The following PARVB variants were observed in gnomAD, a reference collection of about 807,000 sequenced individuals.
The protein encoded by PARVB is parvin beta, also known as beta-parvin.
Under a neutral mutation model 47.0 loss-of-function variants are expected in PARVB, and 46 were observed. The ratio of observed to expected loss-of-function variants is 0.98; its 90% CI spans 0.77 to 1.25. The LOEUF is 1.25. Among genes scored for constraint, PARVB ranks in the 50% most tolerant of loss-of-function variants. The pLI, the probability that PARVB is intolerant of heterozygous loss-of-function variation, is 0.00. For missense variants in PARVB, 473 were observed against 471.6 expected (o/e 1.00, Z -0.03); for synonymous variants, 196 against 196.3 (o/e 1.00, Z 0.01).
chr22:44,151,029 C>CAAAAAAAAAA (rs35913551), intron 9 of PARVB: 1,574 of 51,696 alleles, frequency 0.03, 94 homozygotes, highest in South Asian at 0.11. Context: ...GAGACTGTCT[C>CAAAAAAAAAA]AAAAAAAAAA....
chr22:44,134,329 G>A lies in PARVB; in HGVS notation c.633+1320G>A, dbSNP rs1057114408. ...GGCCATTCCTATGGCCCCGTGTCTT[G>A]GCCACTGGTTCACAGGCAGCCGGCC... On this transcript the variant is annotated intron_variant, in intron 6 of 12. Coordinates refer to ENST00000338758, the MANE Select transcript of PARVB (RefSeq NM_013327.5). Among the ~76,000 whole-genome samples the A allele has an allele frequency of 2.6e-5, 4 of 152,290 alleles. No individual in the cohort carries two copies. In the East Asian group the frequency reaches 5.8e-4, roughly 22 times the overall value.
chr22:44,122,139 T>C, intron 4 of PARVB, among the ~76,000 whole-genome samples: 1 of 152,224 alleles, frequency 6.6e-6, no homozygotes, highest in South Asian at 2.1e-4. Context: ...TTAATATTAC[T>C]TTTAAAAATG....
At chr22:44,058,020 C>T (rs538721969) in intron 1 of PARVB, among the ~76,000 whole-genome samples, 106 of 152,256 alleles carry the variant, frequency 7.0e-4, no homozygotes, top group African/African-American at 2.5e-3. Context: ...CCCTGAACCT[C>T]GGTTGCCTCC....
chr22:44,025,007 C>T (rs1314483096), intron 1 of PARVB, among the ~76,000 whole-genome samples: 1 of 152,110 alleles, frequency 6.6e-6, no homozygotes, highest in Non-Finnish European at 1.5e-5. Context: ...GCTCACGAAA[C>T]ACTACCAACC....
At chr22:44,118,088 A>T (rs1303855473) in intron 3 of PARVB, among the ~76,000 whole-genome samples, 1 of 152,186 alleles carries the variant, frequency 6.6e-6, no homozygotes, top group African/African-American at 2.4e-5. Context: ...ACTCACATCC[A>T]CAGAGAGACT....
Position 44,103,926 on chromosome 22 carries a change from G to C in PARVB, c.273+3803G>C, listed in dbSNP as rs1449157197. 6.6e-6 allele frequency: 1 copy of C among 152,300 alleles called. No individual in the cohort carries two copies. Among genetic ancestry groups the C allele is most frequent in the Non-Finnish European group, 1.5e-5 (1 of 68,080 alleles). 9.4% of individuals were successfully genotyped at this position (152,300 alleles called of 1,614,324 possible). A position where few individuals can be genotyped will look rare whatever the true frequency, so the allele number is the denominator to read the frequency against. On this transcript the variant is annotated intron_variant, in intron 3 of 12. Coordinates refer to ENST00000338758, the MANE Select transcript of PARVB (RefSeq NM_013327.5). The surrounding 1 kb of genome is among the most constrained non-coding windows in gnomAD (Gnocchi z 4.6). ...CTGCTGACACCTGGATTTTAGCCCA[G>C]TGGAACAGATTTTGGACTTTGACCT...
chr22:44,113,730 C>T (rs1601621658), intron 3 of PARVB: 1 of 64,480 alleles, frequency 1.6e-5, no homozygotes. Flanking sequence ...TAAGGCCCTG[C>T]ACCAACACAA....
chr22:44,049,580 C>T lies in PARVB; in HGVS notation c.112+25129C>T, dbSNP rs1209266055. 6.6e-6 allele frequency among the ~76,000 whole-genome samples: 1 copy of T among 152,242 alleles called. No homozygotes were observed. Among genetic ancestry groups the T allele is most frequent in the Non-Finnish European group, 1.5e-5 (1 of 68,046 alleles). ...TCAGATTCCTCCAGCGATAAAAGGC[C>T]TGCTGAGGAAGCGGCCCCACTCCCA... On this transcript the variant is annotated intron_variant, in intron 1 of 12. Coordinates refer to ENST00000338758, the MANE Select transcript of PARVB (RefSeq NM_013327.5). The surrounding 1 kb of genome is among the most constrained non-coding windows in gnomAD (Gnocchi z 4.0).
chr22:44,132,872 C>T, intron 5 of PARVB, 22 bp from the exon 6 acceptor site: 11 of 1,554,676 alleles, frequency 7.1e-6, no homozygotes, highest in Non-Finnish European at 9.8e-6. Context: ...TAAAGCGTCT[C>T]CCTTCCTCCT....
At chr22:44,086,153 T>C (rs1428269653) in intron 1 of PARVB, among the ~76,000 whole-genome samples, 4 of 152,138 alleles carry the variant, frequency 2.6e-5, no homozygotes, top group Non-Finnish European at 4.4e-5. Flanking sequence ...GGCTTAGAGA[T>C]GATAGTGAGT....
chr22:44,069,981 G>A (rs1190557026), intron 1 of PARVB, among the ~76,000 whole-genome samples: 1 of 152,212 alleles, frequency 6.6e-6, no homozygotes, highest in Non-Finnish European at 1.5e-5. Context: ...GGGCATGCCT[G>A]GGAGTGAGCC....
At chr22:44,031,259 C>T (rs975389036) in intron 1 of PARVB, 6 of 152,186 alleles carry the variant, frequency 3.9e-5, no homozygotes, top group African/African-American at 1.4e-4. Context: ...GACCATTTTC[C>T]AGTGAGGGCC....
intron 3 of PARVB, among the ~76,000 whole-genome samples, chr22:44,101,326 A>G (rs546743467): frequency 2.2e-4 from 34 of 152,154 alleles, no homozygotes; most frequent in Admixed American, 3.3e-4. Flanking sequence ...GGAGAATGGC[A>G]TGAACCCCGG....
chr22:44,086,363 C>G (rs550573402), intron 1 of PARVB, among the ~76,000 whole-genome samples: 39 of 152,338 alleles, frequency 2.6e-4, no homozygotes, highest in Non-Finnish European at 5.1e-4. Flanking sequence ...AGCAGCTGCT[C>G]TCTGGCACTG....
chr22:44,073,147 C>T (rs763688362), intron 1 of PARVB, among the ~76,000 whole-genome samples: 8 of 152,176 alleles, frequency 5.3e-5, no homozygotes, highest in Non-Finnish European at 1.2e-4. Flanking sequence ...TCAAATTATA[C>T]TAGAATAATT....
chr22:44,132,856 C>G, intron 5 of PARVB, 38 bp from the exon 6 acceptor site: 1 of 1,443,810 alleles, frequency 6.9e-7, no homozygotes, highest in South Asian at 1.1e-5. Flanking sequence ...CCTGTGTAAC[C>G]TGATCTAAAG....
chr22:44,145,206 G>T (rs1823992176), intron 8 of PARVB: 1 of 152,326 alleles, frequency 6.6e-6, no homozygotes, highest in Admixed American at 6.5e-5. Context: ...GCGAGGCAGG[G>T]GCTGTGAGAA....
intron 12 of PARVB, among the ~76,000 whole-genome samples, chr22:44,164,488 C>T (rs2054124582): frequency 6.6e-6 from 1 of 151,424 alleles, no homozygotes; most frequent in Non-Finnish European, 1.5e-5. Flanking sequence ...CCCAAACACA[C>T]TTCCTAGGTG....
At chr22:44,067,275 T>G (rs1164041312) in intron 1 of PARVB, among the ~76,000 whole-genome samples, 1 of 152,250 alleles carries the variant, frequency 6.6e-6, no homozygotes, top group African/African-American at 2.4e-5. Flanking sequence ...GTTAGTTAGT[T>G]GCATTACATT....
Sources: allele counts gnomAD v4.1 joint callset (sites outside exome capture counted in the v4.1 genomes callset), GRCh38; gene constraint gnomAD v4.1.1; non-coding constraint Gnocchi (gnomAD v3.1); transcripts MANE v1.5; gene names NCBI Gene and HGNC (gene_info 2026-07-23, HGNC 2026-07-21).